Variants in RAB27B observed in about 807,000 individuals in gnomAD.
RAB27B encodes RAB27B, member RAS oncogene family.
Under a neutral mutation model 24.6 loss-of-function variants are expected in RAB27B, and 15 were observed. The ratio of observed to expected loss-of-function variants is 0.61; its 90% CI spans 0.41 to 0.94. RAB27B has a LOEUF of 0.94. Ranked by LOEUF, RAB27B falls within the 40% of genes least tolerant of loss-of-function variation. RAB27B has a pLI of 0.00. For synonymous variants in RAB27B, 105 were observed against 92.5 expected (o/e 1.14, Z -0.78); for missense variants, 261 against 266.8 (o/e 0.98, Z 0.15).
chr18:54,852,148 G>C (rs1357910566), intron 1 of RAB27B, among the ~76,000 whole-genome samples: 1 of 152,140 alleles, frequency 6.6e-6, no homozygotes, highest in Non-Finnish European at 1.5e-5. Context: ...AAATGCAAAG[G>C]TTGCGAAGAA....
At chr18:54,831,748 A>C (rs1272341981) in intron 1 of RAB27B, among the ~76,000 whole-genome samples, 1 of 151,944 alleles carries the variant, frequency 6.6e-6, no homozygotes, top group East Asian at 1.9e-4. Context: ...TTCGGTGGTC[A>C]AGAAAAGCCT....
rs1010484186 is a variant in RAB27B, at chr18:54,890,129, G to T, written c.*716G>T. 3.3e-5 allele frequency: 5 copies of T among 152,036 alleles called. No homozygotes were observed. The highest frequency in any genetic ancestry group is 9.7e-5 in the African/African-American group (4 of 41,426). The allele number at this position is 152,036 out of a possible 1,614,324, so 9.4% of individuals were successfully genotyped here. On this transcript the variant is annotated 3_prime_UTR_variant, in exon 6 of 6. Coordinates refer to ENST00000262094, the MANE Select transcript of RAB27B (RefSeq NM_004163.4). ...CCTGGGAAAAAAAATGAAAGTATGAGAAATTGGCATTTCTACAGCTGAAAT... is the reference window on the plus strand; with the variant it reads ...CCTGGGAAAAAAAATGAAAGTATGATAAATTGGCATTTCTACAGCTGAAAT...
chr18:54,886,719 G>C (rs1469000920), intron 4 of RAB27B, among the ~76,000 whole-genome samples: 1 of 151,930 alleles, frequency 6.6e-6, no homozygotes, highest in Non-Finnish European at 1.5e-5. Flanking sequence ...GCAGATGAGA[G>C]TCTCCCTTGT....
At chr18:54,868,603 CGTTGTT>C (rs9319919) in intron 1 of RAB27B, among the ~76,000 whole-genome samples, 5 of 150,922 alleles carry the variant, frequency 3.3e-5, no homozygotes, top group African/African-American at 1.2e-4. Flanking sequence ...CTCTCAGTTT[CGTTGTT>C]GTTGTTGTTG....
chr18:54,782,911 G>T (rs1044038066), intron 2 of RAB27B, among the ~76,000 whole-genome samples: 1 of 151,822 alleles, frequency 6.6e-6, no homozygotes, highest in Non-Finnish European at 1.5e-5. Context: ...ACAATGGTGG[G>T]GTCATTATGG....
chr18:54,889,213 T>C lies in RAB27B; in HGVS notation c.468-11T>C. On this transcript the variant is annotated splice_polypyrimidine_tract_variant and intron_variant, in intron 5 of 5. Transcript: ENST00000262094. ...TCCTCTCAAAAATATTTGCCATCCT[T>C]TCTATGCTAGCATACCATATTTTGA... 6.3e-7 allele frequency: 1 copy of C among 1,596,608 alleles called. No individual in the cohort carries two copies. The highest frequency in any genetic ancestry group is 8.5e-7 in the Non-Finnish European group (1 of 1,172,746).
intron 1 of RAB27B, among the ~76,000 whole-genome samples, chr18:54,863,967 T>C (rs11874015): frequency 0.59 from 89,551 of 152,154 alleles, 27,922 homozygotes; most frequent in South Asian, 0.7. Context: ...AATGCTGCTA[T>C]GAGCATTCAT....
chr18:54,737,050 G>C (rs1489067435), intron 2 of RAB27B, among the ~76,000 whole-genome samples: 3 of 152,076 alleles, frequency 2.0e-5, no homozygotes, highest in Non-Finnish European at 4.4e-5. Context: ...TGCAACAGAA[G>C]ACTGCATAAG....
intron 1 of RAB27B, among the ~76,000 whole-genome samples, chr18:54,851,282 A>G (rs1277831821): frequency 6.6e-6 from 1 of 152,132 alleles, no homozygotes; most frequent in Non-Finnish European, 1.5e-5. Flanking sequence ...CAACTTTATA[A>G]TAGTGTTTGT....
chr18:54,802,600 C>G (rs1054826123), intron 2 of RAB27B, among the ~76,000 whole-genome samples: 2 of 152,178 alleles, frequency 1.3e-5, no homozygotes, highest in Non-Finnish European at 2.9e-5. Flanking sequence ...TTACACTTCC[C>G]TATTTTCCTA....
chr18:54,818,111 A>T (rs1910174334), intron 2 of RAB27B, among the ~76,000 whole-genome samples: 1 of 152,120 alleles, frequency 6.6e-6, no homozygotes, highest in Non-Finnish European at 1.5e-5. Flanking sequence ...TTATTCTGGA[A>T]ATGTTCCTGT....
chr18:54,777,374 T>G (rs1159763851), intron 2 of RAB27B, among the ~76,000 whole-genome samples: 1 of 152,074 alleles, frequency 6.6e-6, no homozygotes, highest in Non-Finnish European at 1.5e-5. Flanking sequence ...AATGAGAAAA[T>G]GTTACTAGAA....
intron 2 of RAB27B, among the ~76,000 whole-genome samples, chr18:54,726,722 T>C (rs1909549616): frequency 6.6e-6 from 1 of 151,636 alleles, no homozygotes; most frequent in Admixed American, 6.6e-5. Context: ...ATGATTTTCT[T>C]TGTATAAACA....
intron 1 of RAB27B, among the ~76,000 whole-genome samples, chr18:54,841,288 T>C (rs1568091051): frequency 6.6e-6 from 1 of 152,106 alleles, no homozygotes; most frequent in Non-Finnish European, 1.5e-5. Flanking sequence ...ATTGCATCTG[T>C]CCTAAATATG....
At chr18:54,785,705 T>C (rs559223622) in intron 2 of RAB27B, among the ~76,000 whole-genome samples, 15 of 152,312 alleles carry the variant, frequency 9.8e-5, no homozygotes, top group African/African-American at 3.6e-4. Flanking sequence ...AAAACAGTGT[T>C]AGGAACATGA....
At chr18:54,761,038 A>G (rs1473955604) in intron 2 of RAB27B, among the ~76,000 whole-genome samples, 2 of 151,776 alleles carry the variant, frequency 1.3e-5, no homozygotes, top group African/African-American at 4.8e-5. Flanking sequence ...TTTGCTTGAG[A>G]ATCTGATATC....
chr18:54,752,330 C>G (rs959692782), intron 2 of RAB27B, among the ~76,000 whole-genome samples: 37 of 152,172 alleles, frequency 2.4e-4, no homozygotes, highest in African/African-American at 8.4e-4. Context: ...TATTAAAGAC[C>G]GATGAAACAA....
At chr18:54,779,980 C>T (rs574610898) in intron 2 of RAB27B, among the ~76,000 whole-genome samples, 155 of 149,642 alleles carry the variant, frequency 1.0e-3, no homozygotes, top group Middle Eastern at 3.4e-3. Flanking sequence ...CACCGTGTCT[C>T]CCCTCTCCTG....
At chr18:54,826,873 A>G (rs2145176188), upstream of RAB27B, among the ~76,000 whole-genome samples, 1 of 152,378 alleles carries the variant, frequency 6.6e-6, no homozygotes, top group Admixed American at 6.5e-5. Context: ...ATGTTGTGAA[A>G]GCCAAATGAG....
Sources: allele counts gnomAD v4.1 joint callset (sites outside exome capture counted in the v4.1 genomes callset), GRCh38; gene constraint gnomAD v4.1.1; transcripts MANE v1.5; gene names NCBI Gene and HGNC (gene_info 2026-07-23, HGNC 2026-07-21).